The following PDE1A variants were observed in gnomAD, a reference collection of about 807,000 sequenced individuals.
PDE1A encodes phosphodiesterase 1A, also known as dual specificity calcium/calmodulin-dependent 3',5'-cyclic nucleotide phosphodiesterase 1A.
A neutral mutation model predicts 61.7 loss-of-function variants in PDE1A; 35 were observed. The observed-to-expected ratio is 0.57, with a 90% CI of 0.43 to 0.75. The LOEUF (loss-of-function observed/expected upper bound fraction) is 0.75. Ranked by LOEUF, PDE1A falls within the 30% of genes least tolerant of loss-of-function variation. The probability of loss-of-function intolerance (pLI) is 0.00; values close to 1 mark genes in which losing one functional copy is unlikely to be tolerated. For synonymous variants in PDE1A, 232 were observed against 213.2 expected, an observed-to-expected ratio of 1.09 and a Z score of -0.77; for missense variants, 597 against 630.6, an observed-to-expected ratio of 0.95 and a Z score of 0.57.
At chr2:182,585,353 AT>A in the PDE1A span, among the ~76,000 whole-genome samples, 13 of 152,210 alleles carry the variant, frequency 8.5e-5, no homozygotes, top group Admixed American at 3.9e-4. Context: ...GGAAATTTTT[AT>A]TCTTCAATGT....
the PDE1A span, among the ~76,000 whole-genome samples, chr2:182,711,495 AT>A: frequency 8.5e-5 from 13 of 152,242 alleles, no homozygotes; most frequent in Non-Finnish European, 1.8e-4. Flanking sequence ...GTATATGTAT[AT>A]ACATATACAT....
intron 1 of PDE1A, among the ~76,000 whole-genome samples, chr2:182,414,740 G>T (rs1365249702): frequency 1.3e-5 from 2 of 152,122 alleles, no homozygotes; most frequent in African/African-American, 4.8e-5. Context: ...CCATTAAATG[G>T]ATGAGTGAGC....
intron 1 of PDE1A, among the ~76,000 whole-genome samples, chr2:182,379,887 C>G (rs1329263231): frequency 6.6e-6 from 1 of 152,142 alleles, no homozygotes; most frequent in Non-Finnish European, 1.5e-5. Context: ...TAGCAATTCA[C>G]AGGCAAAGCT....
intron 2 of PDE1A, among the ~76,000 whole-genome samples, chr2:182,241,228 T>G (rs899754638): frequency 1.3e-5 from 2 of 152,172 alleles, no homozygotes; most frequent in African/African-American, 4.8e-5. Flanking sequence ...AGAAACAGCT[T>G]ACAGAACAGT....
At chr2:182,265,141 T>C (rs1056800134) in intron 1 of PDE1A, among the ~76,000 whole-genome samples, 6 of 151,408 alleles carry the variant, frequency 4.0e-5, no homozygotes, top group Non-Finnish European at 8.8e-5. Flanking sequence ...TAAAACACTA[T>C]ATATTGGGTA....
Position 182,505,611 on chromosome 2 carries a change from T to A in PDE1A, c.101+16665A>T, listed in dbSNP as rs1366396359. ...TTAGAGGGGCCTCAGCTGGAGTGGT[T>A]TATATCCACCCCACATGCCCATCCT... On this transcript the variant is annotated intron_variant, in intron 2 of 14. Coordinates refer to the PDE1A transcript ENST00000410103. Among the ~76,000 whole-genome samples the A allele has an allele frequency of 4.6e-5, 7 of 152,162 alleles. No individual in the cohort carries two copies. In the East Asian group the frequency reaches 1.3e-3, roughly 29 times the overall value.
upstream of PDE1A, among the ~76,000 whole-genome samples, chr2:182,527,699 T>G (rs541650265): frequency 6.6e-6 from 1 of 152,172 alleles, no homozygotes; most frequent in Non-Finnish European, 1.5e-5. Flanking sequence ...ATGGTTTGGC[T>G]GTGTTCCCAT....
At chr2:182,336,695 C>G (rs1161056917) in intron 1 of PDE1A, among the ~76,000 whole-genome samples, 1 of 151,836 alleles carries the variant, frequency 6.6e-6, no homozygotes, top group Non-Finnish European at 1.5e-5. Context: ...TGCAGCAAAC[C>G]ACCATGGCAC....
intron 1 of PDE1A, among the ~76,000 whole-genome samples, chr2:182,361,571 C>T (rs1699513699): frequency 6.6e-6 from 1 of 152,006 alleles, no homozygotes; most frequent in Admixed American, 6.6e-5. Flanking sequence ...TTAATTTCTA[C>T]ACACACAGTT....
At chr2:182,501,972 T>TAA (rs1486612215) in intron 2 of PDE1A, among the ~76,000 whole-genome samples, 3 of 152,076 alleles carry the variant, frequency 2.0e-5, no homozygotes, top group Non-Finnish European at 2.9e-5. Flanking sequence ...GAACTGAACG[T>TAA]AACAGGAAAA....
At chr2:182,286,646 G>A (rs564616962) in intron 1 of PDE1A, among the ~76,000 whole-genome samples, 47 of 152,164 alleles carry the variant, frequency 3.1e-4, no homozygotes, top group Non-Finnish European at 4.6e-4. Context: ...ACATTAAGCC[G>A]GTGGAGAGGG....
chr2:182,169,898 A>G (rs1691986506), intron 13 of PDE1A, among the ~76,000 whole-genome samples: 1 of 113,520 alleles, frequency 8.8e-6, no homozygotes, highest in South Asian at 2.8e-4. Flanking sequence ...GGAGACACAC[A>G]CACACACACA....
chr2:182,681,439 C>G, the PDE1A span, among the ~76,000 whole-genome samples: 1 of 152,002 alleles, frequency 6.6e-6, no homozygotes, highest in African/African-American at 2.4e-5. Flanking sequence ...TCCCAAAGTG[C>G]TGGGATTACA....
At chr2:182,669,828 G>A in the PDE1A span, among the ~76,000 whole-genome samples, 3 of 152,178 alleles carry the variant, frequency 2.0e-5, no homozygotes, top group African/African-American at 2.4e-5. Flanking sequence ...TATGGCAGAC[G>A]CACCTGCGTG....
chr2:182,642,047 C>A, the PDE1A span, among the ~76,000 whole-genome samples: 1 of 152,140 alleles, frequency 6.6e-6, no homozygotes, highest in Non-Finnish European at 1.5e-5. Flanking sequence ...AAAGTTTTCA[C>A]GGAAAGGTTT....
chr2:182,148,325 T>C, intron 13 of PDE1A, among the ~76,000 whole-genome samples: 1 of 152,164 alleles, frequency 6.6e-6, no homozygotes, highest in East Asian at 1.9e-4. Flanking sequence ...ATTTCTTGCT[T>C]GCTCTCCCTC....
the PDE1A span, among the ~76,000 whole-genome samples, chr2:182,643,949 A>C: frequency 2.3e-4 from 35 of 152,190 alleles, no homozygotes; most frequent in East Asian, 6.4e-3. Flanking sequence ...TACAACCAAA[A>C]TTCTTTGTTT....
At chr2:182,624,611 A>G in the PDE1A span, among the ~76,000 whole-genome samples, 23 of 152,298 alleles carry the variant, frequency 1.5e-4, no homozygotes, top group African/African-American at 5.5e-4. Flanking sequence ...ACCATGAGCA[A>G]TATAATTTTT....
Position 182,426,780 on chromosome 2 carries a change from T to A in PDE1A, c.-150A>T. 1 of 1,466,258 alleles carries A rather than the reference T, an allele frequency of 6.8e-7. No individual in the cohort carries two copies. 90.8% of individuals were successfully genotyped at this position (1,466,258 alleles called of 1,614,324 possible). ...TCTTTTTGGGTGCTGGGAGAAAACTTCCCTGTTCTCTGCCAGCTGAGCAGT... is the reference window on the plus strand; with the variant it reads ...TCTTTTTGGGTGCTGGGAGAAAACTACCCTGTTCTCTGCCAGCTGAGCAGT... On this transcript the variant is annotated 5_prime_UTR_variant, in exon 1 of 14. It introduces an in-frame stop codon into an upstream open reading frame of the 5' UTR. Coordinates refer to ENST00000351439, the Ensembl canonical transcript of PDE1A.
Sources: allele counts gnomAD v4.1 joint callset (sites outside exome capture counted in the v4.1 genomes callset), GRCh38; gene constraint gnomAD v4.1.1; transcripts MANE v1.5; gene names NCBI Gene and HGNC (gene_info 2026-07-23, HGNC 2026-07-21).